PAMR1: variants seen among roughly 807,000 people sequenced by gnomAD.
PAMR1 encodes inactive serine protease PAMR1.
In PAMR1, 88 loss-of-function variants were observed where a neutral mutation model predicts 81.8. That is an observed-to-expected ratio of 1.08 (90% CI 0.91 to 1.28). The LOEUF (loss-of-function observed/expected upper bound fraction) is 1.28, where lower values mean the gene tolerates loss of function less well. Ranked by LOEUF, PAMR1 falls within the 50% of genes most tolerant of loss-of-function variation. PAMR1 has a pLI of 0.00. For missense variants in PAMR1, 935 were observed against 919.7 expected, an observed-to-expected ratio of 1.02 and a Z score of -0.21; for synonymous variants, 336 against 345.3, an observed-to-expected ratio of 0.97 and a Z score of 0.30.
intron 6 of PAMR1, among the ~76,000 whole-genome samples, chr11:35,446,809 C>T (rs1156729180): frequency 1.3e-5 from 2 of 152,104 alleles, no homozygotes; most frequent in East Asian, 3.8e-4. Flanking sequence ...AATGTTTATT[C>T]TTTTGTTTTT....
At chr11:35,457,906 AT>A (rs1856568642) in intron 6 of PAMR1, among the ~76,000 whole-genome samples, 1 of 152,114 alleles carries the variant, frequency 6.6e-6, no homozygotes, top group Non-Finnish European at 1.5e-5. Context: ...GTCATTAATC[AT>A]TTGTTGAAGG....
chr11:35,432,701 G>C lies in PAMR1; in HGVS notation c.1818C>G (p.Asp606Glu). ...CGTTCTTGAAGCCAGGGCTCCTCAC[G>C]TCTGCCAGGACATTCCAGCCAGCCA... ...ITVAGWNVLA[D>E]VRSPGFKNDT... Residue 606 changes from aspartate to glutamate, a missense_variant, in exon 11 of 11, where the codon GAC becomes GAG. Coordinates refer to ENST00000619888, the MANE Select transcript of PAMR1 (RefSeq NM_001001991.3). 6.2e-7 allele frequency: 1 copy of C among 1,613,742 alleles called. No individual in the cohort carries two copies. Among genetic ancestry groups the C allele is most frequent in the African/African-American group, 1.3e-5 (1 of 75,042 alleles).
chr11:35,448,711 G>C (rs948634992), intron 6 of PAMR1, among the ~76,000 whole-genome samples: 1 of 152,222 alleles, frequency 6.6e-6, no homozygotes, highest in South Asian at 2.1e-4. Context: ...ATTTGGAAGA[G>C]AAGAGACGCT....
chr11:35,485,344 A>G (rs973294358), intron 3 of PAMR1, among the ~76,000 whole-genome samples: 1 of 152,216 alleles, frequency 6.6e-6, no homozygotes, highest in African/African-American at 2.4e-5. Flanking sequence ...CCTGGAAAGG[A>G]GCATATGGAT....
intron 1 of PAMR1, among the ~76,000 whole-genome samples, chr11:35,505,329 A>C (rs896605758): frequency 1.3e-5 from 2 of 152,084 alleles, no homozygotes; most frequent in Non-Finnish European, 2.9e-5. Flanking sequence ...AACTGGGTGA[A>C]ATCTACTGGG....
chr11:35,439,576 G>A, intron 8 of PAMR1, 51 bp downstream of exon 8: 3 of 1,417,156 alleles, frequency 2.1e-6, no homozygotes, highest in Non-Finnish European at 3.0e-6. Flanking sequence ...GGGAATGGAA[G>A]GGGAAATACT....
chr11:35,525,926 G>T (rs1408971468), upstream of PAMR1: 4 of 346,960 alleles, frequency 1.2e-5, no homozygotes, highest in Non-Finnish European at 1.6e-5. Context: ...GGGAGGAGGG[G>T]CCATAGGACC....
intron 3 of PAMR1, 56 bp downstream of exon 3, chr11:35,491,989 G>T: frequency 6.8e-7 from 1 of 1,477,966 alleles, no homozygotes; most frequent in Non-Finnish European, 9.1e-7. Context: ...TCCATTGTAA[G>T]CTGAGACTTT....
chr11:35,476,271 T>A (rs1850283358), intron 3 of PAMR1, among the ~76,000 whole-genome samples: 1 of 152,140 alleles, frequency 6.6e-6, no homozygotes, highest in African/African-American at 2.4e-5. Flanking sequence ...TCCTCCTTCA[T>A]CTCCTAGTAA....
chr11:35,488,821 C>T (rs1850562992), intron 3 of PAMR1, among the ~76,000 whole-genome samples: 2 of 151,966 alleles, frequency 1.3e-5, no homozygotes, highest in South Asian at 4.1e-4. Context: ...AATCCACTGC[C>T]TTGGCCTCCC....
At chr11:35,494,534 C>G (rs1014291675) in intron 1 of PAMR1, among the ~76,000 whole-genome samples, 1 of 152,174 alleles carries the variant, frequency 6.6e-6, no homozygotes, top group African/African-American at 2.4e-5. Context: ...CGGGTTTCAC[C>G]GTGTTAGCCA....
chr11:35,451,109 G>C, intron 6 of PAMR1, among the ~76,000 whole-genome samples: 1 of 152,220 alleles, frequency 6.6e-6, no homozygotes, highest in East Asian at 1.9e-4. Context: ...GGCTTTGACA[G>C]GTAAGCCTGA....
At chr11:35,445,215 G>T (rs1693231585) in intron 6 of PAMR1, among the ~76,000 whole-genome samples, 2 of 152,196 alleles carry the variant, frequency 1.3e-5, no homozygotes, top group South Asian at 2.1e-4. Context: ...TGCTGAAGTT[G>T]CTTATCAGCT....
At chr11:35,510,768 T>C (rs952668016) in intron 1 of PAMR1, among the ~76,000 whole-genome samples, 3 of 152,242 alleles carry the variant, frequency 2.0e-5, no homozygotes, top group African/African-American at 7.2e-5. Flanking sequence ...ATAGTCTTTA[T>C]ACGAAATTTT....
intron 3 of PAMR1, among the ~76,000 whole-genome samples, chr11:35,477,268 T>C (rs1286032739): frequency 2.0e-5 from 3 of 152,210 alleles, no homozygotes; most frequent in Non-Finnish European, 4.4e-5. Context: ...TAACAGGTGC[T>C]CACTGCATAT....
chr11:35,489,275 C>T (rs535039507), intron 3 of PAMR1, among the ~76,000 whole-genome samples: 1 of 152,228 alleles, frequency 6.6e-6, no homozygotes, highest in South Asian at 2.1e-4. Flanking sequence ...CCCACCAAAC[C>T]TCTTCCCTTT....
intron 6 of PAMR1, among the ~76,000 whole-genome samples, chr11:35,445,506 T>C (rs1856271405): frequency 6.6e-6 from 1 of 152,210 alleles, no homozygotes; most frequent in African/African-American, 2.4e-5. Context: ...TTTTGAGGTA[T>C]GTTCCTGCTT....
intron 8 of PAMR1, 51 bp from the exon 9 acceptor site, chr11:35,436,186 C>G: frequency 8.3e-7 from 1 of 1,197,816 alleles, no homozygotes; most frequent in South Asian, 1.2e-5. Flanking sequence ...GAGAAAGTCA[C>G]TGTGGCCTCT....
chr11:35,467,044 G>T (rs1173470942), intron 6 of PAMR1, among the ~76,000 whole-genome samples: 2 of 152,132 alleles, frequency 1.3e-5, no homozygotes, highest in Non-Finnish European at 2.9e-5. Flanking sequence ...TGTGCCCACG[G>T]TTTATGTCCT....
Sources: allele counts gnomAD v4.1 joint callset (sites outside exome capture counted in the v4.1 genomes callset), GRCh38; gene constraint gnomAD v4.1.1; transcripts MANE v1.5; gene names NCBI Gene and HGNC (gene_info 2026-07-23, HGNC 2026-07-21).